Variants in BLTP3A observed in about 807,000 individuals in gnomAD.
BLTP3A encodes the protein ICBP90 binding protein 1.
the BLTP3A span, among the ~76,000 whole-genome samples, chr6:34,839,685 T>C: frequency 6.6e-6 from 1 of 152,176 alleles, no homozygotes; most frequent in African/African-American, 2.4e-5. Flanking sequence ...AAATGTACTT[T>C]TATTTAGCAG....
chr6:34,819,713 A>G, the BLTP3A span, among the ~76,000 whole-genome samples: 3 of 152,210 alleles, frequency 2.0e-5, no homozygotes, highest in Non-Finnish European at 2.9e-5. Context: ...CCTCAGGGAG[A>G]AGTCTCCAGT....
the BLTP3A span, chr6:34,835,388 A>G: frequency 6.2e-7 from 1 of 1,614,182 alleles, no homozygotes; most frequent in Non-Finnish European, 8.5e-7. Flanking sequence ...GCTATGATGA[A>G]GTATGCAGAG....
the BLTP3A span, chr6:34,858,452 C>T: frequency 6.2e-7 from 1 of 1,614,142 alleles, no homozygotes; most frequent in South Asian, 1.1e-5. Context: ...GTCCACTTTA[C>T]CCAGATCTCC....
At chr6:34,792,293 C>T in the BLTP3A span, 3 of 1,542,646 alleles carry the variant, frequency 1.9e-6, no homozygotes, top group African/African-American at 1.4e-5. Context: ...ACACCTGTCC[C>T]GGTGAGAGCG....
At chr6:34,810,261 C>T in the BLTP3A span, among the ~76,000 whole-genome samples, 1 of 152,278 alleles carries the variant, frequency 6.6e-6, no homozygotes, top group African/African-American at 2.4e-5. Flanking sequence ...TACAGTATTG[C>T]ACTAAGCATC....
the BLTP3A span, among the ~76,000 whole-genome samples, chr6:34,802,262 A>G: frequency 6.6e-6 from 1 of 151,808 alleles, no homozygotes; most frequent in Non-Finnish European, 1.5e-5. Flanking sequence ...CTGGAGTGCA[A>G]CGGTGCGATC....
the BLTP3A span, among the ~76,000 whole-genome samples, chr6:34,798,319 T>TA: frequency 3.9e-5 from 6 of 152,318 alleles, no homozygotes; most frequent in East Asian, 1.2e-3. Flanking sequence ...GATACCAGTT[T>TA]AGGGCCGTTA....
At chr6:34,831,508 G>A in the BLTP3A span, among the ~76,000 whole-genome samples, 1 of 152,038 alleles carries the variant, frequency 6.6e-6, no homozygotes, top group Non-Finnish European at 1.5e-5. Flanking sequence ...TCCACTTAAT[G>A]GTTAGCAGTT....
the BLTP3A span, among the ~76,000 whole-genome samples, chr6:34,795,626 C>T: frequency 6.8e-6 from 1 of 146,172 alleles, no homozygotes; most frequent in African/African-American, 2.5e-5. Flanking sequence ...TGGTCTCGAT[C>T]TCCTGACCTC....
At chr6:34,849,196 G>C in the BLTP3A span, among the ~76,000 whole-genome samples, 1 of 151,590 alleles carries the variant, frequency 6.6e-6, no homozygotes, top group Non-Finnish European at 1.5e-5. Flanking sequence ...ACGGGGTTTC[G>C]CCATGTTGGC....
the BLTP3A span, chr6:34,821,951 G>A: frequency 6.2e-7 from 1 of 1,614,192 alleles, no homozygotes; most frequent in South Asian, 1.1e-5. Flanking sequence ...CACCCTATTT[G>A]CTTGGTAATG....
At chr6:34,824,829 C>A in the BLTP3A span, among the ~76,000 whole-genome samples, 2 of 151,668 alleles carry the variant, frequency 1.3e-5, no homozygotes, top group Non-Finnish European at 2.9e-5. Flanking sequence ...CCACACCACA[C>A]CTGGCTGATT....
chr6:34,871,604 T>C, the BLTP3A span: 1 of 1,613,328 alleles, frequency 6.2e-7, no homozygotes, highest in Non-Finnish European at 8.5e-7. Context: ...CCCCCATCTA[T>C]CCAACATCTC....
At chr6:34,847,332 T>G in the BLTP3A span, among the ~76,000 whole-genome samples, 2 of 152,160 alleles carry the variant, frequency 1.3e-5, no homozygotes, top group Non-Finnish European at 2.9e-5. Context: ...ATAGAATGAT[T>G]CTGGAAGTAT....
the BLTP3A span, chr6:34,858,463 T>G: frequency 6.2e-7 from 1 of 1,614,180 alleles, no homozygotes; most frequent in Non-Finnish European, 8.5e-7. Flanking sequence ...CCAGATCTCC[T>G]TGGACTTTGA....
the BLTP3A span, among the ~76,000 whole-genome samples, chr6:34,850,211 T>A: frequency 4.3e-3 from 652 of 152,306 alleles, 2 homozygotes; most frequent in African/African-American, 0.014. Context: ...GCTAGCAGAC[T>A]GAGAAGTCTG....
At chr6:34,826,441 C>T in the BLTP3A span, among the ~76,000 whole-genome samples, 23 of 151,586 alleles carry the variant, frequency 1.5e-4, no homozygotes, top group Non-Finnish European at 1.8e-4. Context: ...TCACTGCAGC[C>T]TTGAACTCCT....
At chr6:34,848,368 G>T in the BLTP3A span, among the ~76,000 whole-genome samples, 1 of 152,100 alleles carries the variant, frequency 6.6e-6, no homozygotes, top group Admixed American at 6.5e-5. Flanking sequence ...CACTTTGGGA[G>T]GCTGAGTGGG....
At chr6:34,800,963 A>C in the BLTP3A span, among the ~76,000 whole-genome samples, 1 of 152,154 alleles carries the variant, frequency 6.6e-6, no homozygotes, top group Non-Finnish European at 1.5e-5. Context: ...TCCTGGCCTC[A>C]AGTAATCCAC....
Sources: allele counts gnomAD v4.1 joint callset (sites outside exome capture counted in the v4.1 genomes callset), GRCh38; gene constraint gnomAD v4.1.1; transcripts MANE v1.5; gene names NCBI Gene and HGNC (gene_info 2026-07-23, HGNC 2026-07-21).